The following PTPRM variants were observed in gnomAD, a reference collection of about 807,000 sequenced individuals.
PTPRM encodes the protein protein tyrosine phosphatase receptor type M.
In PTPRM, 47 loss-of-function variants were observed where a neutral mutation model predicts 186.7. The observed-to-expected ratio is 0.25, with a 90% CI of 0.20 to 0.32. PTPRM has a LOEUF of 0.32. PTPRM is among the 10% of genes least tolerant of loss of function. The probability of loss-of-function intolerance (pLI) is 1.00; values close to 1 mark genes in which losing one functional copy is unlikely to be tolerated. For synonymous variants in PTPRM, 668 were observed against 674.9 expected (o/e 0.99, Z 0.16); for missense variants, 1,494 against 1,865.0 (o/e 0.80, Z 3.66).
chr18:7,635,677 C>G (rs2038295206), intron 1 of PTPRM, among the ~76,000 whole-genome samples: 3 of 152,154 alleles, frequency 2.0e-5, no homozygotes, highest in Admixed American at 2.0e-4. Flanking sequence ...CTGAAGTTTG[C>G]TCATATTGAG....
chr18:7,638,328 T>G (rs559885216), intron 1 of PTPRM, among the ~76,000 whole-genome samples: 1 of 152,332 alleles, frequency 6.6e-6, no homozygotes, highest in East Asian at 1.9e-4. Flanking sequence ...GTTTCATTTT[T>G]AAATTTATGC....
intron 7 of PTPRM, among the ~76,000 whole-genome samples, chr18:8,017,077 T>A (rs561059114): frequency 3.9e-4 from 60 of 152,352 alleles, no homozygotes; most frequent in Non-Finnish European, 7.5e-4. Flanking sequence ...GGTAGCTCTA[T>A]TTCTTGCTAA....
At chr18:7,844,173 T>C (rs2046479935) in intron 2 of PTPRM, among the ~76,000 whole-genome samples, 1 of 152,204 alleles carries the variant, frequency 6.6e-6, no homozygotes, top group African/African-American at 2.4e-5. Flanking sequence ...TGTCTGTAAC[T>C]TTTTAAGAAG....
intron 7 of PTPRM, among the ~76,000 whole-genome samples, chr18:8,029,176 C>T (rs1263854999): frequency 4.0e-5 from 6 of 151,858 alleles, no homozygotes; most frequent in Non-Finnish European, 8.8e-5. Flanking sequence ...CTCCCTCATA[C>T]CTGTCCTGCC....
intron 4 of PTPRM, among the ~76,000 whole-genome samples, chr18:7,920,909 C>T (rs550819185): frequency 2.2e-4 from 34 of 152,274 alleles, no homozygotes; most frequent in Non-Finnish European, 4.9e-4. Flanking sequence ...AATTTCCACA[C>T]TTTGAAAATG....
chr18:7,836,085 C>T (rs757310956), intron 2 of PTPRM, among the ~76,000 whole-genome samples: 9 of 152,058 alleles, frequency 5.9e-5, no homozygotes, highest in Non-Finnish European at 1.3e-4. Context: ...AGAGTTTAGT[C>T]CTTTACATTC....
At chr18:7,796,911 G>C (rs896995543) in intron 2 of PTPRM, among the ~76,000 whole-genome samples, 2 of 152,110 alleles carry the variant, frequency 1.3e-5, no homozygotes, top group African/African-American at 4.8e-5. Context: ...AACTTTTAGG[G>C]ACCAAACAAT....
At chr18:7,578,947 A>G (rs2036771774) in intron 1 of PTPRM, among the ~76,000 whole-genome samples, 1 of 152,172 alleles carries the variant, frequency 6.6e-6, no homozygotes. Flanking sequence ...CTGTGCTTTC[A>G]TAAGTGAAAA....
At chr18:7,603,765 C>A (rs2037463662) in intron 1 of PTPRM, among the ~76,000 whole-genome samples, 1 of 152,232 alleles carries the variant, frequency 6.6e-6, no homozygotes, top group Admixed American at 6.5e-5. Flanking sequence ...GTGGAACACA[C>A]AGCAGCCTGT....
intron 13 of PTPRM, among the ~76,000 whole-genome samples, chr18:8,122,583 A>G (rs1035220172): frequency 1.3e-5 from 2 of 152,250 alleles, no homozygotes; most frequent in African/African-American, 2.4e-5. Flanking sequence ...CTAATGTTAT[A>G]TAGAAATGAA....
intron 13 of PTPRM, among the ~76,000 whole-genome samples, chr18:8,130,818 T>C (rs603243): frequency 0.73 from 111,528 of 152,144 alleles, 41,395 homozygotes; most frequent in East Asian, 0.89. Flanking sequence ...ACACAGCAAG[T>C]AGTGGGTTCA....
chr18:7,670,920 TGATA>T (rs1357436066), intron 1 of PTPRM, among the ~76,000 whole-genome samples: 1 of 152,198 alleles, frequency 6.6e-6, no homozygotes, highest in Non-Finnish European at 1.5e-5. Context: ...TTGATACCCA[TGATA>T]GATAAGATGA....
intron 1 of PTPRM, among the ~76,000 whole-genome samples, chr18:7,745,856 G>T (rs2040974542): frequency 2.0e-5 from 3 of 152,190 alleles, no homozygotes; most frequent in African/African-American, 7.2e-5. Context: ...GAAATTATAA[G>T]ATTGTAAAAT....
At chr18:7,999,122 G>A (rs575175188) in intron 7 of PTPRM, among the ~76,000 whole-genome samples, 216 of 152,220 alleles carry the variant, frequency 1.4e-3, no homozygotes, top group African/African-American at 4.9e-3. Flanking sequence ...TGGACAGGAC[G>A]CCTTTCCGCT....
At chr18:7,785,474 T>C (rs993785654) in intron 2 of PTPRM, among the ~76,000 whole-genome samples, 4 of 152,104 alleles carry the variant, frequency 2.6e-5, no homozygotes, top group Non-Finnish European at 5.9e-5. Context: ...TGTGCAGATA[T>C]GGTAAGATGT....
chr18:7,567,536 G>A lies in PTPRM; in HGVS notation c.-283G>A. 1 of 342,282 alleles carries A rather than the reference G, an allele frequency of 2.9e-6. No individual in the cohort carries two copies. The highest frequency in any genetic ancestry group is 5.2e-6 in the Non-Finnish European group (1 of 191,620). 21.2% of individuals were successfully genotyped at this position (342,282 alleles called of 1,614,324 possible). On this transcript the variant is annotated 5_prime_UTR_variant, in exon 1 of 33. Coordinates refer to ENST00000580170, the MANE Select transcript of PTPRM (RefSeq NM_001105244.2). The surrounding 1 kb of genome is among the most constrained non-coding windows in gnomAD (Gnocchi z 4.3). ...GCGAGCTCAGCAACCGGAACCGAGG[G>A]AAGATTTTGGCTCCGCGGGCTCGCC...
chr18:7,894,610 T>TA (rs998438314), intron 3 of PTPRM, among the ~76,000 whole-genome samples: 1 of 150,224 alleles, frequency 6.7e-6, no homozygotes, highest in Non-Finnish European at 1.5e-5. Context: ...TATATATATA[T>TA]TTTTTAATAT....
At chr18:7,645,676 A>G (rs2038544438) in intron 1 of PTPRM, among the ~76,000 whole-genome samples, 1 of 152,208 alleles carries the variant, frequency 6.6e-6, no homozygotes, top group South Asian at 2.1e-4. Flanking sequence ...TAATAATTCA[A>G]TATATAACAC....
chr18:8,292,033 T>C (rs2095048651), intron 19 of PTPRM, among the ~76,000 whole-genome samples: 1 of 152,192 alleles, frequency 6.6e-6, no homozygotes, highest in African/African-American at 2.4e-5. Flanking sequence ...GCAGTGTTCC[T>C]ATCCCAGTTA....
Sources: allele counts gnomAD v4.1 joint callset (sites outside exome capture counted in the v4.1 genomes callset), GRCh38; gene constraint gnomAD v4.1.1; non-coding constraint Gnocchi (gnomAD v3.1); transcripts MANE v1.5; gene names NCBI Gene and HGNC (gene_info 2026-07-23, HGNC 2026-07-21).